Variants in STK38L observed in about 807,000 individuals in gnomAD.
STK38L encodes the protein serine/threonine kinase 38 like.
Under a neutral mutation model 59.7 loss-of-function variants are expected in STK38L, and 28 were observed. That is an observed-to-expected ratio of 0.47 (90% CI 0.35 to 0.64). The LOEUF (loss-of-function observed/expected upper bound fraction) is 0.64, where lower values mean the gene tolerates loss of function less well. Ranked by LOEUF, STK38L falls within the 30% of genes least tolerant of loss-of-function variation. STK38L has a pLI of 0.01. For synonymous variants in STK38L, 162 were observed against 176.8 expected (o/e 0.92, Z 0.66); for missense variants, 314 against 555.8 (o/e 0.56, Z 4.37).
intron 1 of STK38L, among the ~76,000 whole-genome samples, chr12:27,276,312 A>G (rs1943536504): frequency 1.3e-5 from 2 of 152,130 alleles, no homozygotes; most frequent in Non-Finnish European, 2.9e-5. Flanking sequence ...TAGGTTTTTA[A>G]ACTTCTAAAT....
At chr12:27,286,946 A>C (rs1943786039) in intron 1 of STK38L, among the ~76,000 whole-genome samples, 2 of 152,118 alleles carry the variant, frequency 1.3e-5, no homozygotes, top group Admixed American at 1.3e-4. Flanking sequence ...AACATTTTTC[A>C]TGTGTTTTAA....
chr12:27,291,676 C>T (rs1943899317), intron 1 of STK38L, among the ~76,000 whole-genome samples: 1 of 152,098 alleles, frequency 6.6e-6, no homozygotes, highest in Non-Finnish European at 1.5e-5. Context: ...CTGTAGCTGC[C>T]CTTTCGTTAG....
At chr12:27,321,977 A>T (rs1053501781) in intron 12 of STK38L, among the ~76,000 whole-genome samples, 166 bp from the exon 13 acceptor site, 1 of 152,212 alleles carries the variant, frequency 6.6e-6, no homozygotes, top group Non-Finnish European at 1.5e-5. Context: ...ATAAAAAATT[A>T]TACTCAACTA....
chr12:27,307,809 T>C (rs1327261806), intron 3 of STK38L, among the ~76,000 whole-genome samples: 1 of 152,238 alleles, frequency 6.6e-6, no homozygotes, highest in Non-Finnish European at 1.5e-5. Context: ...TTTTTGCAAT[T>C]TTATATTTTC....
chr12:27,262,352 TAC>T (rs1477750652), intron 1 of STK38L, among the ~76,000 whole-genome samples: 1 of 152,190 alleles, frequency 6.6e-6, no homozygotes, highest in Non-Finnish European at 1.5e-5. Flanking sequence ...TTTTATAATT[TAC>T]ATTTAGTAAA....
At chr12:27,276,165 A>AT (rs1943532072) in intron 1 of STK38L, among the ~76,000 whole-genome samples, 1 of 152,242 alleles carries the variant, frequency 6.6e-6, no homozygotes, top group Non-Finnish European at 1.5e-5. Flanking sequence ...CTGTGTGCAC[A>AT]TCACCAACTT....
intron 1 of STK38L, among the ~76,000 whole-genome samples, chr12:27,281,627 G>C (rs1232455321): frequency 6.6e-6 from 1 of 152,196 alleles, no homozygotes; most frequent in African/African-American, 2.4e-5. Context: ...GCACAGAGAA[G>C]GTGTTTTATA....
chr12:27,269,804 G>A (rs538689103), intron 1 of STK38L, among the ~76,000 whole-genome samples: 6 of 152,092 alleles, frequency 3.9e-5, no homozygotes, highest in African/African-American at 7.2e-5. Context: ...CACCATGCCC[G>A]GCTGATTTTT....
chr12:27,277,775 T>G (rs572736360), intron 1 of STK38L, among the ~76,000 whole-genome samples: 1 of 152,272 alleles, frequency 6.6e-6, no homozygotes, highest in African/African-American at 2.4e-5. Flanking sequence ...CTTATCCTGT[T>G]TATTCAAGTA....
intron 1 of STK38L, among the ~76,000 whole-genome samples, chr12:27,256,173 C>T (rs968261674): frequency 1.3e-5 from 2 of 152,228 alleles, no homozygotes; most frequent in African/African-American, 4.8e-5. Context: ...TCCCTGCTAC[C>T]AGTCTTGCCT....
At chr12:27,252,419 T>A (rs1309273479) in intron 1 of STK38L, among the ~76,000 whole-genome samples, 1 of 134,556 alleles carries the variant, frequency 7.4e-6, no homozygotes, top group Non-Finnish European at 1.6e-5. Flanking sequence ...TACTATCTTG[T>A]ACTAGTGTCT....
chr12:27,323,801 A>G lies in STK38L; in HGVS notation c.*1346A>G, dbSNP rs546600354. ...TGGGTATCTCTCTAAGAATTAAATAATCTTTTCTAGCTTAATATTTTAATT... is the reference window on the plus strand; with the variant it reads ...TGGGTATCTCTCTAAGAATTAAATAGTCTTTTCTAGCTTAATATTTTAATT... On this transcript the variant is annotated 3_prime_UTR_variant, in exon 14 of 14. Transcript: ENST00000389032. 6.6e-6 allele frequency: 1 copy of G among 152,314 alleles called. No homozygotes were observed. The highest frequency in any genetic ancestry group is 6.5e-5 in the Admixed American group (1 of 15,298). 9.4% of individuals were successfully genotyped at this position (152,314 alleles called of 1,614,324 possible).
rs927994872 is a variant in STK38L at position 27,308,910 on chromosome 12, A to G, written c.310-204A>G. On this transcript the variant is annotated intron_variant, in intron 4 of 13. Coordinates refer to ENST00000389032, the MANE Select transcript of STK38L (RefSeq NM_015000.4). This position sits in a 1 kb window ranked among gnomAD's most constrained non-coding sequence, Gnocchi z 4.5. ...AATGTAAATATATAAATATATATAAATATATATTAATATATATAAAATATA... is the reference window on the plus strand; with the variant it reads ...AATGTAAATATATAAATATATATAAGTATATATTAATATATATAAAATATA... Among the ~76,000 whole-genome samples the G allele has an allele frequency of 2.7e-5, 4 of 146,210 alleles. No homozygotes were observed. Among genetic ancestry groups the G allele is most frequent in the Admixed American group, 1.4e-4 (2 of 14,534 alleles).
At chr12:27,311,676 T>TA (rs1432969638) in intron 5 of STK38L, among the ~76,000 whole-genome samples, 1 of 152,156 alleles carries the variant, frequency 6.6e-6, no homozygotes, top group Non-Finnish European at 1.5e-5. Flanking sequence ...CCCCAAAAGT[T>TA]ACACAAATTT....
At chr12:27,302,462 C>G (rs1391491956) in intron 3 of STK38L, 1 of 243,752 alleles carries the variant, frequency 4.1e-6, no homozygotes, top group Non-Finnish European at 7.8e-6. Context: ...ATTAATCAAT[C>G]GTTAGCTTTT....
intron 9 of STK38L, 47 bp from the exon 10 acceptor site, chr12:27,317,286 ATAT>A: frequency 7.5e-7 from 1 of 1,324,968 alleles, no homozygotes; most frequent in Non-Finnish European, 1.1e-6. Context: ...CCTCAGATAG[ATAT>A]TTTTTAAATG....
chr12:27,314,940 T>G, intron 7 of STK38L, 75 bp from the exon 8 acceptor site: 1 of 1,120,870 alleles, frequency 8.9e-7, no homozygotes, highest in Non-Finnish European at 1.3e-6. Flanking sequence ...TAATTGCCAT[T>G]TAATAGAGGA....
chr12:27,258,625 G>A (rs775768269), intron 1 of STK38L, among the ~76,000 whole-genome samples: 1 of 152,304 alleles, frequency 6.6e-6, no homozygotes, highest in Non-Finnish European at 1.5e-5. Context: ...CCCCGTGCCT[G>A]GCCTGGTTGC....
intron 1 of STK38L, among the ~76,000 whole-genome samples, chr12:27,273,705 AAATCTGGG>A (rs140667295): frequency 0.11 from 16,931 of 152,224 alleles, 1,246 homozygotes; most frequent in Non-Finnish European, 0.17. Context: ...ACTGCTGAGA[AAATCTGGG>A]AAGTATAAGG....
Sources: allele counts gnomAD v4.1 joint callset (sites outside exome capture counted in the v4.1 genomes callset), GRCh38; gene constraint gnomAD v4.1.1; non-coding constraint Gnocchi (gnomAD v3.1); transcripts MANE v1.5; gene names NCBI Gene and HGNC (gene_info 2026-07-23, HGNC 2026-07-21).